The following GRID2 variants were observed in gnomAD, a reference collection of about 807,000 sequenced individuals.
GRID2 encodes glutamate ionotropic receptor delta type subunit 2.
GRID2 carries 33 observed loss-of-function variants against 114.8 expected under a neutral mutation model. That is an observed-to-expected ratio of 0.29 (90% CI 0.22 to 0.38). The LOEUF (loss-of-function observed/expected upper bound fraction) is 0.38, where lower values mean the gene tolerates loss of function less well. Among genes scored for constraint, GRID2 ranks in the 10% least tolerant of loss-of-function variants. GRID2 has a pLI of 1.00. For synonymous variants in GRID2, 505 were observed against 449.9 expected (o/e 1.12, Z -1.55); for missense variants, 1,184 against 1,257.7 (o/e 0.94, Z 0.89).
chr4:93,189,490 C>T (rs1316785384), intron 4 of GRID2, among the ~76,000 whole-genome samples: 2 of 152,140 alleles, frequency 1.3e-5, no homozygotes, highest in Non-Finnish European at 2.9e-5. Flanking sequence ...CCAGCACCTT[C>T]ATGACTAGGT....
At chr4:93,760,029 C>T (rs1256382464) in intron 14 of GRID2, among the ~76,000 whole-genome samples, 5 of 152,120 alleles carry the variant, frequency 3.3e-5, no homozygotes, top group African/African-American at 9.7e-5. Flanking sequence ...TTTTCTTCAC[C>T]TCTGAGCCTC....
chr4:92,901,250 CT>C (rs1002765984), intron 2 of GRID2, among the ~76,000 whole-genome samples: 2 of 152,088 alleles, frequency 1.3e-5, no homozygotes, highest in Non-Finnish European at 2.9e-5. Flanking sequence ...TATTTTCTAA[CT>C]TTTTAGTAAT....
chr4:93,722,563 C>T (rs942052879), intron 14 of GRID2, among the ~76,000 whole-genome samples: 8 of 152,174 alleles, frequency 5.3e-5, no homozygotes, highest in African/African-American at 1.9e-4. Flanking sequence ...CTCCTAGATT[C>T]TTCATCTATA....
chr4:92,375,839 G>A (rs1450232498), intron 1 of GRID2, among the ~76,000 whole-genome samples: 1 of 152,050 alleles, frequency 6.6e-6, no homozygotes, highest in African/African-American at 2.4e-5. Flanking sequence ...TGATGAATAT[G>A]CAATTTAATA....
intron 3 of GRID2, among the ~76,000 whole-genome samples, 199 bp from the exon 4 acceptor site, chr4:93,110,549 A>C (rs561112817): frequency 3.3e-4 from 51 of 152,246 alleles, no homozygotes; most frequent in Non-Finnish European, 5.9e-4. Context: ...AAAAATAACA[A>C]TTCCTACATT....
intron 2 of GRID2, among the ~76,000 whole-genome samples, chr4:92,947,106 C>A (rs1229055324): frequency 6.6e-6 from 1 of 152,014 alleles, no homozygotes; most frequent in Non-Finnish European, 1.5e-5. Context: ...GAGGATATAA[C>A]AGAAAACTGG....
At chr4:93,149,875 A>G (rs1327722456) in intron 4 of GRID2, among the ~76,000 whole-genome samples, 1 of 151,916 alleles carries the variant, frequency 6.6e-6, no homozygotes, top group Non-Finnish European at 1.5e-5. Context: ...GCTTCAAGTG[A>G]TCCTCCTGCC....
chr4:92,425,509 CGAT>C (rs1560621752), intron 1 of GRID2, among the ~76,000 whole-genome samples: 1 of 152,030 alleles, frequency 6.6e-6, no homozygotes, highest in African/African-American at 2.4e-5. Flanking sequence ...TTTCATGAAA[CGAT>C]GATTTCTTCT....
intron 8 of GRID2, among the ~76,000 whole-genome samples, chr4:93,329,039 A>C (rs1047399851): frequency 1.3e-5 from 2 of 152,200 alleles, no homozygotes; most frequent in Non-Finnish European, 2.9e-5. Context: ...GACTTATTTA[A>C]TAAATGAATT....
chr4:93,554,077 G>A (rs931412569), intron 13 of GRID2, among the ~76,000 whole-genome samples: 1 of 152,160 alleles, frequency 6.6e-6, no homozygotes, highest in Non-Finnish European at 1.5e-5. Context: ...ACAGTAGTGA[G>A]ATTCAGTCTC....
chr4:93,258,246 T>A (rs1749842958), intron 8 of GRID2, among the ~76,000 whole-genome samples: 1 of 151,048 alleles, frequency 6.6e-6, no homozygotes, highest in Admixed American at 6.6e-5. Flanking sequence ...AAAAATAAAT[T>A]GGATGGAAAT....
At chr4:93,796,685 G>A (rs969737325) in intron 1 of GRID2, among the ~76,000 whole-genome samples, 8 of 152,020 alleles carry the variant, frequency 5.3e-5, no homozygotes, top group East Asian at 3.9e-4. Flanking sequence ...CTGGGATTAC[G>A]GGCATGTGCC....
chr4:93,666,030 AG>A (rs1457051943), intron 14 of GRID2, among the ~76,000 whole-genome samples: 1 of 152,134 alleles, frequency 6.6e-6, no homozygotes, highest in Non-Finnish European at 1.5e-5. Context: ...ACTGACCACA[AG>A]CCCCTGAAGG....
At chr4:93,613,846 C>T (rs1041325408) in intron 13 of GRID2, among the ~76,000 whole-genome samples, 11 of 151,840 alleles carry the variant, frequency 7.2e-5, no homozygotes, top group African/African-American at 9.7e-5. Context: ...CCACCCAGTT[C>T]GAGCTTCCAG....
intron 9 of GRID2, among the ~76,000 whole-genome samples, chr4:93,412,489 A>T (rs1220692314): frequency 6.6e-6 from 1 of 152,144 alleles, no homozygotes; most frequent in Non-Finnish European, 1.5e-5. Flanking sequence ...AAAAATATAT[A>T]CTTGTGCACA....
chr4:93,434,213 T>G (rs1223583307), intron 10 of GRID2, among the ~76,000 whole-genome samples: 2 of 152,200 alleles, frequency 1.3e-5, no homozygotes, highest in Non-Finnish European at 2.9e-5. Context: ...GTTCTGTGTT[T>G]TAAAAATGTA....
At chr4:92,960,025 A>G (rs1451285082) in intron 2 of GRID2, among the ~76,000 whole-genome samples, 3 of 151,918 alleles carry the variant, frequency 2.0e-5, no homozygotes, top group Non-Finnish European at 4.4e-5. Context: ...AGGAGAGAAG[A>G]GAAAAAAAGG....
intron 1 of GRID2, among the ~76,000 whole-genome samples, chr4:92,437,038 G>A (rs1193852178): frequency 6.6e-6 from 1 of 152,110 alleles, no homozygotes; most frequent in African/African-American, 2.4e-5. Context: ...TTCTTAAAAT[G>A]TGAGTAAATT....
intron 1 of GRID2, among the ~76,000 whole-genome samples, chr4:92,342,513 C>G (rs1375627317): frequency 6.6e-6 from 1 of 152,130 alleles, no homozygotes; most frequent in Non-Finnish European, 1.5e-5. Flanking sequence ...CATTTAGAAG[C>G]AACAGTCTTA....
Sources: allele counts gnomAD v4.1 joint callset (sites outside exome capture counted in the v4.1 genomes callset), GRCh38; gene constraint gnomAD v4.1.1; transcripts MANE v1.5; gene names NCBI Gene and HGNC (gene_info 2026-07-23, HGNC 2026-07-21).